Variants in FADD observed in about 807,000 individuals in gnomAD.
FADD encodes FAS-associated death domain protein.
FADD carries 3 observed loss-of-function variants against 5.8 expected under a neutral mutation model. That is an observed-to-expected ratio of 0.52 (90% CI 0.24 to 1.34). The LOEUF (loss-of-function observed/expected upper bound fraction) is 1.34, where lower values mean the gene tolerates loss of function less well. FADD is among the 40% of genes most tolerant of loss of function. The pLI is 0.17. For missense variants in FADD, 249 were observed against 286.7 expected (o/e 0.87, Z 0.95); for synonymous variants, 138 against 130.8 (o/e 1.06, Z -0.38).
rs2049457996 is a variant in FADD at position 70,206,200 on chromosome 11, G to C, written c.354G>C (p.Gln118His). ...AAGATTGGAGAAGGCTGGCTCGTCAGCTCAAAGTCTCAGACACCAAGATCG... is the reference window on the plus strand; with the variant it reads ...AAGATTGGAGAAGGCTGGCTCGTCACCTCAAAGTCTCAGACACCAAGATCG... ...VGKDWRRLARQLKVSDTKIDS... is the reference protein window; with the variant it reads ...VGKDWRRLARHLKVSDTKIDS... Residue 118 changes from glutamine to histidine, a missense_variant, in exon 2 of 2, where the codon CAG becomes CAC. Physicochemically the swap from Gln to His is conservative, Grantham distance 24. Transcript: ENST00000301838. The C allele has an allele frequency of 1.9e-6, 3 of 1,614,042 alleles. No individual in the cohort carries two copies. The highest frequency in any genetic ancestry group is 1.1e-5 in the South Asian group (1 of 91,078).
chr11:70,203,544 G>C lies in FADD; in HGVS notation c.85G>C (p.Gly29Arg), dbSNP rs1259962263. 1 of 1,612,132 alleles carries C rather than the reference G, an allele frequency of 6.2e-7. No individual in the cohort carries two copies. Among genetic ancestry groups the C allele is most frequent in the Admixed American group, 1.7e-5 (1 of 59,972 alleles). ...ELTELKFLCL[G>R]RVGKRKLERV... ...GACCGAGCTCAAGTTCCTATGCCTC[G>C]GGCGCGTGGGCAAGCGCAAGCTGGA... Residue 29 changes from glycine to arginine, a missense_variant, in exon 1 of 2, where the codon GGG becomes CGG. Physicochemically the swap from Gly to Arg is moderately radical, Grantham distance 125. Transcript: ENST00000301838.
chr11:70,206,466 C>T lies in FADD; in HGVS notation c.620C>T (p.Ala207Val), dbSNP rs146934620. The change falls in exon 2 of 2, where the codon GCG becomes GTG. Residue 207 changes from alanine (A) to valine (V), a missense_variant. Physicochemically the swap from Ala to Val is moderately conservative, Grantham distance 64. Transcript: ENST00000301838. ...SWNSDASTSE[A>V]S Reference sequence around the variant, plus strand: ...AACTCAGACGCATCTACCTCCGAAGCGTCCTGATGGGCCGCTGCTTTGCGC... The same window carrying T: ...AACTCAGACGCATCTACCTCCGAAGTGTCCTGATGGGCCGCTGCTTTGCGC... The T allele has an allele frequency of 1.7e-4, 280 of 1,613,686 alleles. 1 individual carries two copies. The African/African-American group carries it at 3.3e-3, about 19-fold the overall frequency.
At chr11:70,205,830 C>T (rs1476774763) in intron 1 of FADD, among the ~76,000 whole-genome samples, 1 of 152,212 alleles carries the variant, frequency 6.6e-6, no homozygotes, top group East Asian at 1.9e-4. Context: ...GCCCCTCCCT[C>T]AGTGTCTCCT....
At chr11:70,204,473 G>A (rs2049444877) in intron 1 of FADD, among the ~76,000 whole-genome samples, 1 of 152,210 alleles carries the variant, frequency 6.6e-6, no homozygotes, top group South Asian at 2.1e-4. Flanking sequence ...AAGAAACCCT[G>A]AGTACAGCAG....
Position 70,203,358 on chromosome 11 carries a change from G to A in FADD, c.-102G>A. 3 of 1,522,826 alleles carry A rather than the reference G, an allele frequency of 2.0e-6. No homozygotes were observed. Among genetic ancestry groups the A allele is most frequent in the East Asian group, 2.5e-5 (1 of 40,300 alleles). 94.3% of individuals were successfully genotyped at this position (1,522,826 alleles called of 1,614,324 possible). On this transcript the variant is annotated 5_prime_UTR_variant, in exon 1 of 2. Coordinates refer to ENST00000301838, the MANE Select transcript of FADD (RefSeq NM_003824.4). ...GTGCAGGTTCGGGGGTGGAATCCTTGGGCCGCTGGGCAAGCGGCGAGACCT... is the reference window on the plus strand; with the variant it reads ...GTGCAGGTTCGGGGGTGGAATCCTTAGGCCGCTGGGCAAGCGGCGAGACCT...
At position 70,206,159 on chromosome 11, in the gene FADD, T is replaced by C. The variant is rs369869993; in HGVS notation, c.313T>C (p.Cys105Arg). 163 of 1,613,948 alleles carry C rather than the reference T, an allele frequency of 1.0e-4. No homozygotes were observed. The highest frequency in any genetic ancestry group is 1.3e-4 in the Non-Finnish European group (158 of 1,180,008). The change falls in exon 2 of 2, where the codon TGT (cysteine) becomes CGT (arginine). Residue 105 changes from cysteine to arginine, a missense_variant. Coordinates refer to ENST00000301838, the MANE Select transcript of FADD (RefSeq NM_003824.4). Reference protein sequence around the residue: ...EDLCAAFNVICDNVGKDWRRL... With the variant: ...EDLCAAFNVIRDNVGKDWRRL... ...CCTGTGTGCAGCATTTAACGTCATA[T>C]GTGATAATGTGGGGAAAGATTGGAG... is the stretch of plus-strand genomic sequence containing the variant.
intron 1 of FADD, among the ~76,000 whole-genome samples, chr11:70,204,367 C>G (rs2049444233): frequency 6.6e-6 from 1 of 152,202 alleles, no homozygotes; most frequent in Non-Finnish European, 1.5e-5. Context: ...TACACTGCCT[C>G]TCTGGTCAAG....
At position 70,206,241 on chromosome 11, in the gene FADD, G is replaced by C. The variant is rs2135899876; in HGVS notation, c.395G>C (p.Arg132Thr). ...SDTKIDSIED[R>T]YPRNLTERVR... ...ACCAAGATCGACAGCATCGAGGACA[G>C]ATACCCCCGCAACCTGACAGAGCGT... Residue 132 changes from arginine (R) to threonine (T), a missense_variant, in exon 2 of 2, where the codon AGA becomes ACA. By Grantham distance (71) the Arg-to-Thr change is moderately conservative. Coordinates refer to ENST00000301838, the MANE Select transcript of FADD (RefSeq NM_003824.4). The C allele has an allele frequency of 1.2e-6, 2 of 1,614,196 alleles. No homozygotes were observed. Among genetic ancestry groups the C allele is most frequent in the Non-Finnish European group, 1.7e-6 (2 of 1,180,030 alleles).
At chr11:70,205,590 A>G (rs2135899465) in intron 1 of FADD, among the ~76,000 whole-genome samples, 1 of 152,208 alleles carries the variant, frequency 6.6e-6, no homozygotes, top group South Asian at 2.1e-4. Flanking sequence ...CCAGGCTCAC[A>G]CGGCCTTCCC....
chr11:70,206,841 A>C lies in FADD; in HGVS notation c.*368A>C. On this transcript the variant is annotated 3_prime_UTR_variant, in exon 2 of 2. Transcript: ENST00000301838. The stretch of plus-strand genomic sequence containing the variant: ...AGGAGACCAGCTCAGAGGCCCAGGA[A>C]TCGGAGCGAAGCAGAGAGGTGGAGA... The C allele has an allele frequency of 3.5e-6, 1 of 284,248 alleles. No individual in the cohort carries two copies. The highest frequency in any genetic ancestry group is 6.8e-6 in the Non-Finnish European group (1 of 146,572). The allele number at this position is 284,248 out of a possible 1,614,324, so 17.6% of individuals were successfully genotyped here.
chr11:70,206,820 G>A lies in FADD; in HGVS notation c.*347G>A, dbSNP rs2049465521. 1 of 322,272 alleles carries A rather than the reference G, an allele frequency of 3.1e-6. No homozygotes were observed. The highest frequency in any genetic ancestry group is 3.0e-5 in the South Asian group (1 of 32,818). The allele number at this position is 322,272 out of a possible 1,614,324, so 20.0% of individuals were successfully genotyped here. On this transcript the variant is annotated 3_prime_UTR_variant, in exon 2 of 2. Coordinates refer to ENST00000301838, the MANE Select transcript of FADD (RefSeq NM_003824.4). ...CACACTGTTACTCCACAGCGGAGGA[G>A]ACCAGCTCAGAGGCCCAGGAATCGG...
chr11:70,204,469 C>T (rs1182332441), intron 1 of FADD, among the ~76,000 whole-genome samples: 3 of 152,222 alleles, frequency 2.0e-5, no homozygotes, highest in African/African-American at 7.2e-5. Flanking sequence ...AAAAAAGAAA[C>T]CCTGAGTACA....
chr11:70,203,421 A>C lies in FADD; in HGVS notation c.-39A>C. The C allele has an allele frequency of 6.4e-7, 1 of 1,550,772 alleles. No homozygotes were observed. The highest frequency in any genetic ancestry group is 8.7e-7 in the Non-Finnish European group (1 of 1,147,936). ...CGAGCCGAGGACAGAGGGCGCACGG[A>C]GGGCCGGGCCGCAGCCCCGGCCGCT... On this transcript the variant is annotated 5_prime_UTR_variant, in exon 1 of 2. Transcript: ENST00000301838.
Position 70,206,500 on chromosome 11 carries a change from C to T in FADD, c.*27C>T, listed in dbSNP as rs1446694264. On this transcript the variant is annotated 3_prime_UTR_variant, in exon 2 of 2. Transcript: ENST00000301838. ...GGGCCGCTGCTTTGCGCTGGTGGAC[C>T]ACAGGCATCTACACAGCCTGGACTT... 2 of 1,600,966 alleles carry T rather than the reference C, an allele frequency of 1.2e-6. No homozygotes were observed.
intron 1 of FADD, among the ~76,000 whole-genome samples, chr11:70,204,115 TACTA>T (rs1317896229): frequency 3.3e-5 from 5 of 152,350 alleles, no homozygotes; most frequent in African/African-American, 1.2e-4. Context: ...CTGAGAGTAA[TACTA>T]GCATTCAGTA....
At position 70,206,885 on chromosome 11, in the gene FADD, G is replaced by A. The variant is rs61740747; in HGVS notation, c.*412G>A. Reference sequence around the variant, plus strand: ...GTGGAGAACTGGGATTTGAACCCCCGCCATCCTTCACCAGAGCCCATGCTC... The same window carrying A: ...GTGGAGAACTGGGATTTGAACCCCCACCATCCTTCACCAGAGCCCATGCTC... On this transcript the variant is annotated 3_prime_UTR_variant, in exon 2 of 2. Coordinates refer to ENST00000301838, the MANE Select transcript of FADD (RefSeq NM_003824.4). 2.2e-3 allele frequency: 552 copies of A among 252,116 alleles called. 9 individuals are homozygous for A. The highest frequency in any genetic ancestry group is 0.011 in the African/African-American group (514 of 44,758). The allele number at this position is 252,116 out of a possible 1,614,324, so 15.6% of individuals were successfully genotyped here. A position where few individuals can be genotyped will look rare whatever the true frequency, so the allele number is the denominator to read the frequency against.
At position 70,206,393 on chromosome 11, in the gene FADD, G is replaced by T. The variant is rs763073852; in HGVS notation, c.547G>T (p.Ala183Ser). ...VADLVQEVQQ[A>S]RDLQNRSGAM... ...TGACCTGGTACAAGAGGTTCAGCAG[G>T]CCCGTGACCTCCAGAACAGGAGTGG... The change falls in exon 2 of 2, where the codon GCC becomes TCC. Residue 183 changes from alanine to serine, a missense_variant. Transcript: ENST00000301838. The T allele has an allele frequency of 4.3e-6, 7 of 1,614,034 alleles. No individual in the cohort carries two copies. The highest frequency in any genetic ancestry group is 5.1e-6 in the Non-Finnish European group (6 of 1,180,036).
At chr11:70,204,979 T>A (rs943430893) in intron 1 of FADD, among the ~76,000 whole-genome samples, 4 of 152,070 alleles carry the variant, frequency 2.6e-5, no homozygotes, top group African/African-American at 9.7e-5. Context: ...AGCATAGCGG[T>A]TAAGGGTCGA....
At position 70,207,251 on chromosome 11, in the gene FADD, A is replaced by G. The variant is rs753526348; in HGVS notation, c.*778A>G. On this transcript the variant is annotated 3_prime_UTR_variant, in exon 2 of 2. Coordinates refer to ENST00000301838, the MANE Select transcript of FADD (RefSeq NM_003824.4). ...GGGTCCTGCAATTCTACAGTTTCTT[A>G]CTGTTTTGTATCAAAATCACTATCT... 3.3e-5 allele frequency: 5 copies of G among 152,096 alleles called. No homozygotes were observed. Among genetic ancestry groups the G allele is most frequent in the Non-Finnish European group, 7.3e-5 (5 of 68,042 alleles). 9.4% of individuals were successfully genotyped at this position (152,096 alleles called of 1,614,324 possible).
Sources: gnomAD v4.1 joint callset for allele counts (sites outside exome capture counted in the v4.1 genomes callset) on GRCh38, gnomAD v4.1.1 for gene constraint, MANE v1.5 for transcripts, NCBI Gene and HGNC (gene_info 2026-07-23, HGNC 2026-07-21) for gene names.